The following SIDT1 variants were observed in gnomAD, a reference collection of about 807,000 sequenced individuals.
SIDT1 encodes SID1 transmembrane family member 1.
SIDT1 carries 101 observed loss-of-function variants against 107.5 expected under a neutral mutation model. The observed-to-expected ratio is 0.94, with a 90% CI of 0.80 to 1.11. The LOEUF (loss-of-function observed/expected upper bound fraction) is 1.11. SIDT1 is among the 50% of genes least tolerant of loss of function. The pLI, the probability that SIDT1 is intolerant of heterozygous loss-of-function variation, is 0.00. For synonymous variants in SIDT1, 395 were observed against 398.2 expected (o/e 0.99, Z 0.10); for missense variants, 1,076 against 1,058.2 (o/e 1.02, Z -0.23).
chr3:113,544,444 C>A (rs1326521594), intron 1 of SIDT1, among the ~76,000 whole-genome samples: 1 of 152,164 alleles, frequency 6.6e-6, no homozygotes, highest in African/African-American at 2.4e-5. Flanking sequence ...CCCAGCTCGG[C>A]CTCCCAAAGT....
intron 21 of SIDT1, among the ~76,000 whole-genome samples, chr3:113,620,223 T>C (rs865878204): frequency 6.6e-5 from 10 of 151,394 alleles, no homozygotes; most frequent in African/African-American, 2.2e-4. Context: ...TGTGTGTGTG[T>C]GCAAGTCCCT....
At chr3:113,569,414 C>G (rs1942245022) in intron 3 of SIDT1, among the ~76,000 whole-genome samples, 1 of 152,080 alleles carries the variant, frequency 6.6e-6, no homozygotes, top group Admixed American at 6.6e-5. Context: ...TCGTATATGT[C>G]ACTGTTTTGC....
chr3:113,551,620 A>T (rs953480813), intron 1 of SIDT1, among the ~76,000 whole-genome samples: 11 of 152,246 alleles, frequency 7.2e-5, no homozygotes, highest in African/African-American at 2.4e-4. Context: ...ACAATTACTG[A>T]AAACTGAAAC....
At chr3:113,550,419 T>A (rs899097409) in intron 1 of SIDT1, among the ~76,000 whole-genome samples, 3 of 152,092 alleles carry the variant, frequency 2.0e-5, no homozygotes, top group African/African-American at 4.8e-5. Context: ...ATTATCAAGG[T>A]TTTTCTATAG....
chr3:113,597,770 C>T (rs985053353), intron 10 of SIDT1, among the ~76,000 whole-genome samples: 2 of 152,188 alleles, frequency 1.3e-5, no homozygotes, highest in East Asian at 1.9e-4. Flanking sequence ...AAACACATAT[C>T]AAAACAAGTT....
intron 5 of SIDT1, 65 bp from the exon 6 acceptor site, chr3:113,581,296 A>C: frequency 7.8e-7 from 1 of 1,285,344 alleles, no homozygotes; most frequent in Admixed American, 1.7e-5. Flanking sequence ...GACAGGACCT[A>C]TGTGTGGCAT....
intron 1 of SIDT1, among the ~76,000 whole-genome samples, chr3:113,552,254 A>G (rs1415517393): frequency 6.6e-6 from 1 of 152,176 alleles, no homozygotes; most frequent in Non-Finnish European, 1.5e-5. Context: ...GAAGAATTAT[A>G]GCTTTCTAAG....
At chr3:113,615,944 C>A in intron 19 of SIDT1, 156 bp from the exon 20 acceptor site, 1 of 665,674 alleles carries the variant, frequency 1.5e-6, no homozygotes, top group South Asian at 1.7e-5. Flanking sequence ...TTTTTCAAAG[C>A]AAATACTTAT....
At chr3:113,607,300 A>C (rs1945406673) in intron 15 of SIDT1, among the ~76,000 whole-genome samples, 186 bp downstream of exon 15, 1 of 152,248 alleles carries the variant, frequency 6.6e-6, no homozygotes, top group Non-Finnish European at 1.5e-5. Flanking sequence ...GGTTCTCAGG[A>C]AACATTCCTT....
rs554009768 is a variant in SIDT1 at position 113,545,114 on chromosome 3, TAAAAAAAAAAAAA to T, written c.222+11886_222+11898del. ...CGGGCGACAGAGCGAGAGACTCTGTTAAAAAAAAAAAAAAAAAAAAAAAAAAAGTCATTCGTGA... is the reference window on the plus strand; with the variant it reads ...CGGGCGACAGAGCGAGAGACTCTGTTAAAAAAAAAAAAAAGTCATTCGTGA... On this transcript the variant is annotated intron_variant, in intron 1 of 24. Transcript: ENST00000264852. Among the ~76,000 whole-genome samples, 3 of 73,972 alleles carry T rather than the reference TAAAAAAAAAAAAA, an allele frequency of 4.1e-5. No homozygotes were observed. In the East Asian group the frequency reaches 1.3e-3, roughly 32 times the overall value. 48.5% of individuals were successfully genotyped at this position (73,972 alleles called of 152,430 possible).
chr3:113,592,836 T>C, intron 9 of SIDT1, 169 bp from the exon 10 acceptor site: 1 of 612,866 alleles, frequency 1.6e-6, no homozygotes, highest in East Asian at 3.0e-5. Flanking sequence ...TCCGCCTGCC[T>C]TGGCCTCCCA....
At chr3:113,592,168 T>C (rs999258620) in intron 9 of SIDT1, among the ~76,000 whole-genome samples, 1 of 152,132 alleles carries the variant, frequency 6.6e-6, no homozygotes, top group Non-Finnish European at 1.5e-5. Context: ...TGGTCATGGG[T>C]TTGAGATTTC....
At chr3:113,560,383 G>C (rs1016844470) in intron 1 of SIDT1, among the ~76,000 whole-genome samples, 2 of 152,134 alleles carry the variant, frequency 1.3e-5, no homozygotes, top group African/African-American at 4.8e-5. Flanking sequence ...TTGTCTTTCT[G>C]ACTAGATTGC....
chr3:113,619,104 C>T (rs1050290546), intron 20 of SIDT1, among the ~76,000 whole-genome samples: 4 of 152,102 alleles, frequency 2.6e-5, no homozygotes, highest in Non-Finnish European at 4.4e-5. Flanking sequence ...GGATTATAGG[C>T]GTGAGCCACC....
At chr3:113,534,152 C>T (rs938453632) in intron 1 of SIDT1, among the ~76,000 whole-genome samples, 2 of 152,118 alleles carry the variant, frequency 1.3e-5, no homozygotes, top group Admixed American at 6.6e-5. Context: ...ATCTTCTTCC[C>T]ATATAAATGT....
intron 1 of SIDT1, among the ~76,000 whole-genome samples, chr3:113,545,080 A>C (rs988098601): frequency 1.4e-4 from 19 of 137,492 alleles, no homozygotes; most frequent in Non-Finnish European, 2.4e-4. Flanking sequence ...GCGCCATTGC[A>C]CTCCAGCCCG....
chr3:113,534,926 G>A (rs1048485516), intron 1 of SIDT1, among the ~76,000 whole-genome samples: 2 of 152,200 alleles, frequency 1.3e-5, no homozygotes, highest in African/African-American at 4.8e-5. Context: ...GAGGGCAGGG[G>A]CAAAGTCATG....
Position 113,615,958 on chromosome 3 carries a change from G to T in SIDT1, c.1967-142G>T, listed in dbSNP as rs567890918. 13 of 702,656 alleles carry T rather than the reference G, an allele frequency of 1.9e-5. No homozygotes were observed. In the African/African-American group the frequency reaches 1.9e-4, roughly 10 times the overall value. The allele number at this position is 702,656 out of a possible 1,614,324, so 43.5% of individuals were successfully genotyped here. On this transcript the variant is annotated intron_variant, in intron 19 of 24. Coordinates refer to ENST00000264852, the MANE Select transcript of SIDT1 (RefSeq NM_017699.3). ...ATTTTTCAAAGCAAATACTTATTGC[G>T]CACCTATTAGGTGCAAAGCATTCTA...
intron 9 of SIDT1, among the ~76,000 whole-genome samples, chr3:113,585,930 T>C (rs561089236): frequency 6.6e-6 from 1 of 152,320 alleles, no homozygotes; most frequent in South Asian, 2.1e-4. Context: ...CCATTCTTTG[T>C]GGCATTCTCT....
Sources: gnomAD v4.1 joint callset for allele counts (sites outside exome capture counted in the v4.1 genomes callset) on GRCh38, gnomAD v4.1.1 for gene constraint, MANE v1.5 for transcripts, NCBI Gene and HGNC (gene_info 2026-07-23, HGNC 2026-07-21) for gene names.